THRAP3: variants seen among roughly 807,000 people sequenced by gnomAD.
THRAP3 encodes thyroid hormone receptor associated protein 3.
THRAP3 carries 16 observed loss-of-function variants against 101.0 expected under a neutral mutation model. The ratio of observed to expected loss-of-function variants is 0.16; its 90% CI spans 0.11 to 0.24. The LOEUF is 0.24. Ranked by LOEUF, THRAP3 falls within the 10% of genes least tolerant of loss-of-function variation. THRAP3 has a pLI of 1.00. For synonymous variants in THRAP3, 407 were observed against 422.6 expected (o/e 0.96, Z 0.45); for missense variants, 989 against 1,202.7 (o/e 0.82, Z 2.63).
chr1:36,278,327 A>G (rs1478147252), intron 2 of THRAP3, among the ~76,000 whole-genome samples: 1 of 152,096 alleles, frequency 6.6e-6, no homozygotes, highest in Non-Finnish European at 1.5e-5. Flanking sequence ...CGGCCTCCCA[A>G]AGTACTAAGA....
chr1:36,257,166 G>A (rs1221464660), intron 1 of THRAP3, among the ~76,000 whole-genome samples: 2 of 152,080 alleles, frequency 1.3e-5, no homozygotes, highest in Admixed American at 6.6e-5. Context: ...CAGGGTCTTT[G>A]CATTTGCTGT....
At chr1:36,220,970 A>ATATATATAT (rs1483311673), upstream of THRAP3, among the ~76,000 whole-genome samples, 16 of 128,404 alleles carry the variant, frequency 1.2e-4, no homozygotes, top group African/African-American at 4.9e-4. Context: ...AAAAAAAAAA[A>ATATATATAT]AAATATATAT....
chr1:36,293,994 A>T, intron 8 of THRAP3, 59 bp downstream of exon 8: 1 of 1,584,172 alleles, frequency 6.3e-7, no homozygotes, highest in Non-Finnish European at 8.6e-7. Context: ...CATGAACTTG[A>T]CAGAAATGTG....
In THRAP3 at chr1:36,293,919, G is replaced by A. The variant is rs745517194; in HGVS notation, c.2099G>A (p.Arg700Gln). The change falls in exon 8 of 12, where the codon CGG becomes CAG. Residue 700 changes from arginine (R) to glutamine (Q), a missense_variant. Transcript: ENST00000354618. ...GLAHDEMKSP[R>Q]EPGYKAEGKY... The stretch of plus-strand genomic sequence containing the variant: ...GCTCATGATGAAATGAAAAGTCCCC[G>A]GGAACCTGGCTACAAGGTGAACTGT... 17 of 1,613,406 alleles carry A rather than the reference G, an allele frequency of 1.1e-5. No individual in the cohort carries two copies. Among genetic ancestry groups the A allele is most frequent in the Middle Eastern group, 1.6e-4 (1 of 6,080 alleles).
intron 3 of THRAP3, among the ~76,000 whole-genome samples, chr1:36,284,034 C>G (rs1344140846): frequency 1.3e-5 from 2 of 152,140 alleles, no homozygotes; most frequent in Non-Finnish European, 2.9e-5. Context: ...GGAGTTTAAA[C>G]CTCAGTTTTA....
At chr1:36,255,899 C>G (rs1311545931) in intron 1 of THRAP3, among the ~76,000 whole-genome samples, 2 of 152,112 alleles carry the variant, frequency 1.3e-5, no homozygotes, top group Non-Finnish European at 2.9e-5. Flanking sequence ...AGCGTTTACC[C>G]TTTGTTTGGA....
In THRAP3 at chr1:36,291,689, A is replaced by G. The variant is rs1302172742; in HGVS notation, c.1918+143A>G. Reference sequence around the variant, plus strand: ...TAGGGGCTGGCTTGAAGGAAATTCCATTCAAGAAGCAGTTTCCATATTTTA... The same window carrying G: ...TAGGGGCTGGCTTGAAGGAAATTCCGTTCAAGAAGCAGTTTCCATATTTTA... On this transcript the variant is annotated intron_variant, in intron 6 of 11. Coordinates refer to ENST00000354618, the MANE Select transcript of THRAP3 (RefSeq NM_005119.4). The G allele has an allele frequency of 1.2e-5, 10 of 824,252 alleles. No homozygotes were observed. The Middle Eastern group carries it at 7.4e-4, about 61-fold the overall frequency. 51.1% of individuals were successfully genotyped at this position (824,252 alleles called of 1,614,324 possible).
chr1:36,285,002 T>G (rs1645778120), intron 3 of THRAP3, among the ~76,000 whole-genome samples: 1 of 152,194 alleles, frequency 6.6e-6, no homozygotes, highest in Non-Finnish European at 1.5e-5. Context: ...CTCTTATTCA[T>G]GGTGTAGATA....
intron 1 of THRAP3, among the ~76,000 whole-genome samples, chr1:36,242,705 C>A (rs1170345130): frequency 6.6e-6 from 1 of 151,598 alleles, no homozygotes; most frequent in African/African-American, 2.4e-5. Flanking sequence ...CCTGCCTCGC[C>A]CTCCCAAAGT....
At chr1:36,292,250 GTGTTTCTT>G (rs1465787291) in intron 6 of THRAP3, among the ~76,000 whole-genome samples, 8,441 of 68,102 alleles carry the variant, frequency 0.12, 3,156 homozygotes, top group Middle Eastern at 0.22. Context: ...GTAACATAAT[GTGTTTCTT>G]TGTTTCTTTT....
chr1:36,304,075 T>A lies in THRAP3; in HGVS notation c.*58T>A. The A allele has an allele frequency of 6.9e-7, 1 of 1,450,784 alleles. No homozygotes were observed. The highest frequency in any genetic ancestry group is 9.1e-7 in the Non-Finnish European group (1 of 1,100,266). The allele number at this position is 1,450,784 out of a possible 1,614,324, so 89.9% of individuals were successfully genotyped here. A position where few individuals can be genotyped will look rare whatever the true frequency, so the allele number is the denominator to read the frequency against. ...AGAGAGGCGCTGGGAAGATGGCTGG[T>A]GAGGAGCTTAACAGAGGAACCTCAA... On this transcript the variant is annotated 3_prime_UTR_variant, in exon 12 of 12. Coordinates refer to ENST00000354618, the MANE Select transcript of THRAP3 (RefSeq NM_005119.4).
intron 2 of THRAP3, among the ~76,000 whole-genome samples, chr1:36,279,434 A>AAATGTATT (rs1645704130): frequency 1.3e-5 from 2 of 152,180 alleles, no homozygotes; most frequent in African/African-American, 4.8e-5. Context: ...CAAAAAAACA[A>AAATGTATT]AATGTATTTT....
At chr1:36,258,319 G>A (rs925096470) in intron 1 of THRAP3, among the ~76,000 whole-genome samples, 1 of 152,166 alleles carries the variant, frequency 6.6e-6, no homozygotes, top group Non-Finnish European at 1.5e-5. Context: ...TGAATTAGAA[G>A]AATACATAGC....
At chr1:36,225,797 G>A (rs149100732) in intron 1 of THRAP3, among the ~76,000 whole-genome samples, 2 of 152,274 alleles carry the variant, frequency 1.3e-5, no homozygotes, top group African/African-American at 4.8e-5. Flanking sequence ...GTTCTTTGCC[G>A]GGAGATGTAT....
At chr1:36,288,649 C>T (rs1645826317) in intron 4 of THRAP3, 3 of 985,256 alleles carry the variant, frequency 3.0e-6, no homozygotes, top group Admixed American at 6.2e-5. Context: ...CAAAACAGTC[C>T]AAGGTTGAAC....
chr1:36,213,885 G>C, the THRAP3 span, among the ~76,000 whole-genome samples: 1 of 138,990 alleles, frequency 7.2e-6, no homozygotes, highest in Non-Finnish European at 1.6e-5. Context: ...GGAAAGGAAA[G>C]AAGGAAAGAA....
intron 3 of THRAP3, among the ~76,000 whole-genome samples, chr1:36,285,770 G>C (rs1320125195): frequency 6.6e-6 from 1 of 152,198 alleles, no homozygotes; most frequent in East Asian, 1.9e-4. Flanking sequence ...GTTCTTTTAA[G>C]CTTTGAGCAG....
the THRAP3 span, among the ~76,000 whole-genome samples, chr1:36,219,089 A>G: frequency 1.3e-5 from 2 of 151,966 alleles, no homozygotes; most frequent in Admixed American, 6.6e-5. Flanking sequence ...ATTTGATAAG[A>G]AGGCAAAACA....
At chr1:36,239,735 AC>A (rs758232752) in intron 1 of THRAP3, among the ~76,000 whole-genome samples, 12 of 152,212 alleles carry the variant, frequency 7.9e-5, no homozygotes, top group Admixed American at 2.0e-4. Context: ...AAAAGTTGAA[AC>A]AATTGTACAG....
Sources: allele counts gnomAD v4.1 joint callset (sites outside exome capture counted in the v4.1 genomes callset), GRCh38; gene constraint gnomAD v4.1.1; transcripts MANE v1.5; gene names NCBI Gene and HGNC (gene_info 2026-07-23, HGNC 2026-07-21).